The following HTR7 variants were observed in gnomAD, a reference collection of about 807,000 sequenced individuals.
HTR7 encodes the protein 5-hydroxytryptamine receptor 7, also known as 5-HT-7.
Under a neutral mutation model 34.0 loss-of-function variants are expected in HTR7, and 16 were observed. The ratio of observed to expected loss-of-function variants is 0.47; its 90% CI spans 0.32 to 0.71. HTR7 has a LOEUF of 0.71. Among genes scored for constraint, HTR7 ranks in the 30% least tolerant of loss-of-function variants. The pLI is 0.04. For synonymous variants in HTR7, 265 were observed against 260.2 expected (o/e 1.02, Z -0.18); for missense variants, 504 against 625.5 (o/e 0.81, Z 2.07).
chr10:90,804,498 G>C (rs1376374045), intron 1 of HTR7, among the ~76,000 whole-genome samples: 1 of 152,032 alleles, frequency 6.6e-6, no homozygotes, highest in African/African-American at 2.4e-5. Flanking sequence ...GCGCCTAAAG[G>C]CACTCCCCCC....
intron 1 of HTR7, among the ~76,000 whole-genome samples, chr10:90,827,491 C>T (rs1169228556): frequency 2.6e-5 from 4 of 152,020 alleles, no homozygotes; most frequent in Non-Finnish European, 5.9e-5. Context: ...CACTAACATA[C>T]TTCACCTATA....
intron 1 of HTR7, among the ~76,000 whole-genome samples, chr10:90,820,928 A>G (rs1016675269): frequency 6.6e-6 from 1 of 152,152 alleles, no homozygotes; most frequent in African/African-American, 2.4e-5. Flanking sequence ...AAAAAACCCT[A>G]TGAGGAAGGT....
chr10:90,796,123 C>T (rs1047827397), intron 1 of HTR7, among the ~76,000 whole-genome samples: 2 of 152,196 alleles, frequency 1.3e-5, no homozygotes, highest in South Asian at 2.1e-4. Flanking sequence ...CATGTCCAAC[C>T]TCCCCCTTCC....
At chr10:90,742,817 G>T (rs1352128014) in intron 3 of HTR7, among the ~76,000 whole-genome samples, 1 of 152,132 alleles carries the variant, frequency 6.6e-6, no homozygotes, top group Non-Finnish European at 1.5e-5. Flanking sequence ...AAATGACTTT[G>T]CTCTCAAAAA....
chr10:90,752,923 C>CA (rs1844764127), intron 1 of HTR7, among the ~76,000 whole-genome samples: 1 of 152,050 alleles, frequency 6.6e-6, no homozygotes, highest in Admixed American at 6.6e-5. Flanking sequence ...TCTGAGATGA[C>CA]AAAGGCCATT....
At chr10:90,785,016 C>T (rs892032433) in intron 1 of HTR7, among the ~76,000 whole-genome samples, 1 of 152,162 alleles carries the variant, frequency 6.6e-6, no homozygotes, top group Non-Finnish European at 1.5e-5. Context: ...GCCGTGTCCT[C>T]CAGAAAGACT....
At chr10:90,742,655 G>A in intron 3 of HTR7, 127 bp from the exon 4 acceptor site, 1 of 606,242 alleles carries the variant, frequency 1.6e-6, no homozygotes, top group Non-Finnish European at 2.9e-6. Context: ...GCTTTTAAGG[G>A]ATTATGAGTA....
intron 1 of HTR7, among the ~76,000 whole-genome samples, chr10:90,832,726 C>T (rs186601963): frequency 8.5e-5 from 13 of 152,226 alleles, no homozygotes; most frequent in Middle Eastern, 3.4e-3. Context: ...GCTGCCAGCA[C>T]GCTGTCACCT....
intron 1 of HTR7, among the ~76,000 whole-genome samples, chr10:90,813,327 G>A (rs1463743855): frequency 2.6e-5 from 4 of 152,134 alleles, no homozygotes; most frequent in Admixed American, 6.5e-5. Context: ...GTCAAGACCA[G>A]CCTGGCCAAC....
chr10:90,803,826 G>A (rs1339771195), intron 1 of HTR7, among the ~76,000 whole-genome samples: 1 of 152,180 alleles, frequency 6.6e-6, no homozygotes, highest in Non-Finnish European at 1.5e-5. Flanking sequence ...CGAACAGGAG[G>A]CAGGAAAATA....
At chr10:90,761,925 C>T (rs1186563774) in intron 1 of HTR7, among the ~76,000 whole-genome samples, 2 of 152,144 alleles carry the variant, frequency 1.3e-5, no homozygotes, top group Admixed American at 1.3e-4. Context: ...TAGCATAATG[C>T]CCTGAAGGTT....
chr10:90,793,196 T>C (rs534806984), intron 1 of HTR7, among the ~76,000 whole-genome samples: 93 of 152,044 alleles, frequency 6.1e-4, no homozygotes, highest in Non-Finnish European at 1.2e-3. Context: ...TAAGAACTTC[T>C]ACAACTCAAC....
chr10:90,790,433 T>C (rs1287497480), intron 1 of HTR7, among the ~76,000 whole-genome samples: 1 of 152,220 alleles, frequency 6.6e-6, no homozygotes, highest in East Asian at 1.9e-4. Flanking sequence ...GACCTGTATA[T>C]GTCTATTCAC....
chr10:90,764,476 G>T (rs924790755), intron 1 of HTR7, among the ~76,000 whole-genome samples: 1 of 152,056 alleles, frequency 6.6e-6, no homozygotes, highest in African/African-American at 2.4e-5. Context: ...CAACTAATTT[G>T]TATGTGTTGC....
chr10:90,805,395 A>G (rs1845689391), intron 1 of HTR7, among the ~76,000 whole-genome samples: 1 of 152,250 alleles, frequency 6.6e-6, no homozygotes, highest in South Asian at 2.1e-4. Flanking sequence ...AAAGAAATTT[A>G]CATCTTTAAA....
intron 1 of HTR7, among the ~76,000 whole-genome samples, chr10:90,842,433 T>C (rs1846343352): frequency 6.6e-6 from 1 of 152,152 alleles, no homozygotes; most frequent in Non-Finnish European, 1.5e-5. Context: ...GAGTCAGACA[T>C]TCCTCATGGC....
At chr10:90,775,406 G>C (rs993289818) in intron 1 of HTR7, among the ~76,000 whole-genome samples, 5 of 152,172 alleles carry the variant, frequency 3.3e-5, no homozygotes, top group African/African-American at 7.2e-5. Context: ...GTGAAAGAGG[G>C]AGCTGTGTGA....
At position 90,749,172 on chromosome 10, in the gene HTR7, C is replaced by T. The variant is rs1392940370; in HGVS notation, c.962G>A (p.Arg321Gln). 6 of 1,613,998 alleles carry T rather than the reference C, an allele frequency of 3.7e-6. No homozygotes were observed. Among genetic ancestry groups the T allele is most frequent in the Admixed American group, 3.3e-5 (2 of 59,994 alleles). ...HERKNISIFKREQKAATTLGI... is the reference protein window; with the variant it reads ...HERKNISIFKQEQKAATTLGI... The stretch of plus-strand genomic sequence containing the variant: ...CAGGGTGGTGGCTGCTTTCTGTTCT[C>T]GCTTAAAGATGGAGATGTTTTTCCT... Residue 321 changes from arginine to glutamine, a missense_variant, in exon 2 of 4, where the codon CGA (arginine) becomes CAA (glutamine). Physicochemically the swap from Arg to Gln is conservative, Grantham distance 43. This residue lies in a region of HTR7 where 154 missense variants were observed against 212.1 expected (regional missense o/e 0.73). Transcript: ENST00000336152. The surrounding 1 kb of genome is among the most constrained non-coding windows in gnomAD (Gnocchi z 4.2).
At position 90,857,848 on chromosome 10, in the gene HTR7, C is replaced by A; in HGVS notation, c.-177G>T. ...AGCCCCGCACTCCCCGGACCCCCGG[C>A]CGCTGCGGGTAACGCGGCAGCGCGG... On this transcript the variant is annotated 5_prime_UTR_variant, in exon 1 of 4. Transcript: ENST00000336152. This position sits in a 1 kb window ranked among gnomAD's most constrained non-coding sequence, Gnocchi z 6.5. 1 of 558,306 alleles carries A rather than the reference C, an allele frequency of 1.8e-6. No homozygotes were observed. The highest frequency in any genetic ancestry group is 2.0e-5 in the African/African-American group (1 of 50,718). The allele number at this position is 558,306 out of a possible 1,614,324, so 34.6% of individuals were successfully genotyped here.
Sources: gnomAD v4.1 joint callset for allele counts (sites outside exome capture counted in the v4.1 genomes callset) on GRCh38, gnomAD v4.1.1 for gene constraint, gnomAD v4.1.1 regional missense constraint, Gnocchi (gnomAD v3.1) non-coding constraint, MANE v1.5 for transcripts, NCBI Gene and HGNC (gene_info 2026-07-23, HGNC 2026-07-21) for gene names.